The following DYNC2LI1 variants were observed in gnomAD, a reference collection of about 807,000 sequenced individuals.
The protein encoded by DYNC2LI1 is cytoplasmic dynein 2 light intermediate chain 1.
In DYNC2LI1, 45 loss-of-function variants were observed where a neutral mutation model predicts 51.9. The observed-to-expected ratio is 0.87, with a 90% CI of 0.68 to 1.11. The LOEUF (loss-of-function observed/expected upper bound fraction) is 1.11, where lower values mean the gene tolerates loss of function less well. Among genes scored for constraint, DYNC2LI1 ranks in the 50% most tolerant of loss-of-function variants. DYNC2LI1 has a pLI of 0.00. For missense variants in DYNC2LI1, 490 were observed against 417.4 expected (o/e 1.17, Z -1.51); for synonymous variants, 130 against 137.8 (o/e 0.94, Z 0.40).
the DYNC2LI1 span, among the ~76,000 whole-genome samples, chr2:43,823,563 C>A: frequency 6.6e-6 from 1 of 152,160 alleles, no homozygotes; most frequent in South Asian, 2.1e-4. Context: ...GAGAAGCTAA[C>A]GGTACAAAGT....
downstream of DYNC2LI1, chr2:43,813,441 A>T: frequency 1.4e-6 from 1 of 717,404 alleles, no homozygotes. Flanking sequence ...AGAGTTTACA[A>T]TTTGATGAAG....
chr2:43,814,646 A>G, downstream of DYNC2LI1: 1 of 998,638 alleles, frequency 1.0e-6, no homozygotes, highest in Admixed American at 1.9e-5. Context: ...AGTCCTACCA[A>G]ATGAAAAGAA....
At chr2:43,824,638 A>G in the DYNC2LI1 span, 1 of 985,418 alleles carries the variant, frequency 1.0e-6, no homozygotes, top group African/African-American at 1.7e-5. Flanking sequence ...GGGAGAATTC[A>G]GAAGCTCAGC....
chr2:43,817,551 A>G, the DYNC2LI1 span, among the ~76,000 whole-genome samples: 467 of 152,084 alleles, frequency 3.1e-3, 2 homozygotes, highest in African/African-American at 0.011. Flanking sequence ...CCCTAATACA[A>G]ATGCTTCTTA....
chr2:43,819,097 G>A, the DYNC2LI1 span, among the ~76,000 whole-genome samples: 1 of 152,122 alleles, frequency 6.6e-6, no homozygotes, highest in African/African-American at 2.4e-5. Flanking sequence ...CTTTTATATA[G>A]TAGATGCTCA....
Position 43,781,229 on chromosome 2 carries a change from C to T in DYNC2LI1, c.127-2291C>T, listed in dbSNP as rs116296865. On this transcript the variant is annotated intron_variant, in intron 2 of 12. Coordinates refer to ENST00000260605, the MANE Select transcript of DYNC2LI1 (RefSeq NM_016008.4). Reference sequence around the variant, plus strand: ...TAAAAAATACAAAAAGTTACCTGCACGTGGTGGTGCATACTGGTAATCCCA... The same window carrying T: ...TAAAAAATACAAAAAGTTACCTGCATGTGGTGGTGCATACTGGTAATCCCA... Among the ~76,000 whole-genome samples, 1,400 of 151,948 alleles carry T rather than the reference C, an allele frequency of 9.2e-3. 23 individuals are homozygous for T. Among genetic ancestry groups the T allele is most frequent in the African/African-American group, 0.033 (1,347 of 41,420 alleles).
Position 43,774,089 on chromosome 2 carries a change from C to A in DYNC2LI1, c.-50C>A. On this transcript the variant is annotated 5_prime_UTR_variant, in exon 1 of 13. The change creates a new upstream start codon in the 5' untranslated region. Coordinates refer to ENST00000260605, the MANE Select transcript of DYNC2LI1 (RefSeq NM_016008.4). ...GCGGAGCTCGCCGCCTGATTCTAGG[C>A]TGGTCACTACTCCGAGCCTGTGACG... 2 of 1,612,074 alleles carry A rather than the reference C, an allele frequency of 1.2e-6. No homozygotes were observed. The highest frequency in any genetic ancestry group is 1.1e-5 in the South Asian group (1 of 90,648).
Position 43,795,921 on chromosome 2 carries a change from C to G in DYNC2LI1, c.539C>G (p.Pro180Arg). Residue 180 changes from proline (P) to arginine (R), a missense_variant, in exon 7 of 13, where the codon CCT (proline) becomes CGT (arginine). By Grantham distance (103) the Pro-to-Arg change is moderately radical. Coordinates refer to ENST00000260605, the MANE Select transcript of DYNC2LI1 (RefSeq NM_016008.4). The part of the protein sequence containing the change: ...DHELIDPFPV[P>R]LVIIGSKYDV... ...GAATTAATTGACCCATTTCCGGTAC[C>G]TCTGGTCATAATTGGAAGTAAATAT... is the stretch of plus-strand genomic sequence containing the variant. 2 of 1,613,452 alleles carry G rather than the reference C, an allele frequency of 1.2e-6. No homozygotes were observed. Among genetic ancestry groups the G allele is most frequent in the Non-Finnish European group, 1.7e-6 (2 of 1,179,580 alleles).
chr2:43,794,198 G>A (rs187955555), intron 5 of DYNC2LI1: 201 of 336,730 alleles, frequency 6.0e-4, no homozygotes, highest in Non-Finnish European at 8.4e-4. Flanking sequence ...TTCTCTATTT[G>A]AACTAAACTA....
intron 5 of DYNC2LI1, chr2:43,793,939 T>A (rs1673911478): frequency 6.5e-6 from 1 of 153,240 alleles, no homozygotes; most frequent in Admixed American, 6.5e-5. Context: ...TACAATTTAC[T>A]AATTATATAA....
downstream of DYNC2LI1, among the ~76,000 whole-genome samples, chr2:43,812,087 G>C (rs1666506698): frequency 6.6e-6 from 1 of 150,808 alleles, no homozygotes; most frequent in East Asian, 2.0e-4. Flanking sequence ...CTCTGTCTCT[G>C]TTGCCCAGGC....
At chr2:43,795,633 T>C (rs1674001686) in intron 6 of DYNC2LI1, among the ~76,000 whole-genome samples, 2 of 152,118 alleles carry the variant, frequency 1.3e-5, no homozygotes, top group African/African-American at 2.4e-5. Flanking sequence ...TAATATGTTA[T>C]ATAAGGAAAT....
At chr2:43,789,767 C>A in intron 5 of DYNC2LI1, 46 bp downstream of exon 5, 1 of 1,528,640 alleles carries the variant, frequency 6.5e-7, no homozygotes, top group Non-Finnish European at 8.9e-7. Flanking sequence ...ACAGGAGTGT[C>A]CCTAGGAGGA....
chr2:43,813,190 A>G, downstream of DYNC2LI1: 2 of 1,587,492 alleles, frequency 1.3e-6, no homozygotes, highest in Non-Finnish European at 1.7e-6. Context: ...ATAAATGAAT[A>G]CAAAATCAGA....
downstream of DYNC2LI1, among the ~76,000 whole-genome samples, chr2:43,810,782 T>C (rs1401807020): frequency 1.3e-5 from 2 of 152,190 alleles, no homozygotes; most frequent in Admixed American, 6.5e-5. Flanking sequence ...ACACGTTTCT[T>C]GCTGAGTGCT....
the DYNC2LI1 span, chr2:43,826,460 G>T: frequency 6.2e-7 from 1 of 1,614,156 alleles, no homozygotes; most frequent in Non-Finnish European, 8.5e-7. Context: ...CCAGGAGGAC[G>T]ACAATCTGAT....
At chr2:43,828,248 C>T in the DYNC2LI1 span, 19,093 of 1,170,840 alleles carry the variant, frequency 0.016, 2,249 homozygotes, top group African/African-American at 0.26. Context: ...TCACCACACC[C>T]TGGGGAAAGC....
chr2:43,814,298 G>A (rs909235826), downstream of DYNC2LI1, among the ~76,000 whole-genome samples: 1 of 152,152 alleles, frequency 6.6e-6, no homozygotes, highest in South Asian at 2.1e-4. Context: ...AGACTAACTT[G>A]ACTACTGCTT....
the DYNC2LI1 span, among the ~76,000 whole-genome samples, chr2:43,817,050 G>A: frequency 6.6e-6 from 1 of 152,218 alleles, no homozygotes; most frequent in South Asian, 2.1e-4. Flanking sequence ...TAAATGGAAT[G>A]ACTAGCAGGT....
Sources: gnomAD v4.1 joint callset for allele counts (sites outside exome capture counted in the v4.1 genomes callset) on GRCh38, gnomAD v4.1.1 for gene constraint, MANE v1.5 for transcripts, NCBI Gene and HGNC (gene_info 2026-07-23, HGNC 2026-07-21) for gene names.